The following ALG9 variants were observed in gnomAD, a reference collection of about 807,000 sequenced individuals.
The protein encoded by ALG9 is ALG9 alpha-1,2-mannosyltransferase.
Under a neutral mutation model 81.8 loss-of-function variants are expected in ALG9, and 55 were observed. The observed-to-expected ratio is 0.67, with a 90% confidence interval of 0.54 to 0.84. ALG9 has a LOEUF of 0.84. Among genes scored for constraint, ALG9 ranks in the 40% least tolerant of loss-of-function variants. The pLI is 0.00. For synonymous variants in ALG9, 278 were observed against 274.3 expected (o/e 1.01, Z -0.13); for missense variants, 629 against 745.0 (o/e 0.84, Z 1.81).
chr11:111,807,948 G>A (rs1378377323), intron 14 of ALG9, among the ~76,000 whole-genome samples: 1 of 152,084 alleles, frequency 6.6e-6, no homozygotes, highest in Non-Finnish European at 1.5e-5. Flanking sequence ...AGCTGGGAGT[G>A]GTGGCAGGTG....
intron 14 of ALG9, among the ~76,000 whole-genome samples, chr11:111,799,413 T>C (rs1000753192): frequency 4.0e-5 from 6 of 151,794 alleles, no homozygotes; most frequent in Admixed American, 3.9e-4. Context: ...AGTCCTGGGA[T>C]TACAGGCATG....
At chr11:111,794,018 C>A (rs997305685) in intron 14 of ALG9, among the ~76,000 whole-genome samples, 1 of 152,248 alleles carries the variant, frequency 6.6e-6, no homozygotes, top group African/African-American at 2.4e-5. Flanking sequence ...GTGAGAAAGT[C>A]ACTCAAGTGA....
chr11:111,822,730 C>T (rs548765826), intron 13 of ALG9, among the ~76,000 whole-genome samples: 243 of 149,770 alleles, frequency 1.6e-3, no homozygotes, highest in African/African-American at 5.7e-3. Context: ...AATAAACAAA[C>T]AAAAAAAACA....
intron 13 of ALG9, among the ~76,000 whole-genome samples, chr11:111,828,417 G>A (rs574177038): frequency 5.9e-5 from 9 of 152,270 alleles, no homozygotes; most frequent in Admixed American, 4.6e-4. Flanking sequence ...GTTTAATAAC[G>A]TACTTGCCTT....
chr11:111,782,827 T>A lies in ALG9; in HGVS notation c.*3570A>T, dbSNP rs1256916431. The A allele has an allele frequency of 3.3e-5, 5 of 152,254 alleles. No individual in the cohort carries two copies. In the East Asian group the frequency reaches 9.6e-4, roughly 29 times the overall value. The allele number at this position is 152,254 out of a possible 1,614,324, so 9.4% of individuals were successfully genotyped here. On this transcript the variant is annotated 3_prime_UTR_variant, in exon 15 of 15. Transcript: ENST00000616540. ...TCCTAGAACTCCAAAGTTGGAAAAA[T>A]GACCCAGATAAATGATTGGGATAAA...
At chr11:111,805,930 C>T (rs1949862817) in intron 14 of ALG9, among the ~76,000 whole-genome samples, 1 of 152,146 alleles carries the variant, frequency 6.6e-6, no homozygotes, top group African/African-American at 2.4e-5. Flanking sequence ...GATCTTGGCT[C>T]ACTGCGACTT....
chr11:111,774,503 T>A, the ALG9 span, among the ~76,000 whole-genome samples: 1 of 152,190 alleles, frequency 6.6e-6, no homozygotes, highest in African/African-American at 2.4e-5. Context: ...GAAGGACACA[T>A]GTGATGAATA....
intron 14 of ALG9, among the ~76,000 whole-genome samples, 191 bp from the exon 15 acceptor site, chr11:111,786,711 A>C (rs569467847): frequency 1.3e-5 from 2 of 152,272 alleles, no homozygotes; most frequent in South Asian, 4.1e-4. Context: ...CTTGTCACCT[A>C]AACGAAAATT....
chr11:111,820,670 A>G (rs1555102500), intron 13 of ALG9, among the ~76,000 whole-genome samples: 2 of 152,224 alleles, frequency 1.3e-5, no homozygotes, highest in Non-Finnish European at 2.9e-5. Flanking sequence ...CTCAATTCAC[A>G]GACAAGATGT....
intron 14 of ALG9, among the ~76,000 whole-genome samples, chr11:111,802,475 G>C (rs1949277683): frequency 1.3e-5 from 2 of 152,126 alleles, no homozygotes; most frequent in Non-Finnish European, 2.9e-5. Context: ...TCCAGAAAAG[G>C]CAATCTATAG....
At chr11:111,799,377 A>G (rs1948765847) in intron 14 of ALG9, among the ~76,000 whole-genome samples, 1 of 151,086 alleles carries the variant, frequency 6.6e-6, no homozygotes, top group African/African-American at 2.4e-5. Flanking sequence ...CTCTTCACCT[A>G]TGATCCGCTC....
chr11:111,870,991 G>A lies in ALG9; in HGVS notation c.131+361C>T, dbSNP rs567934481. ...GGTGATGGCGGGTTGGATGGGCCCA[G>A]TAAAGGGTCGGGACTTGAGGGAGAA... is the stretch of plus-strand genomic sequence containing the variant. On this transcript the variant is annotated intron_variant, in intron 1 of 14. Coordinates refer to ENST00000616540, the MANE Select transcript of ALG9 (RefSeq NM_024740.2). 1.0e-4 allele frequency: 108 copies of A among 1,028,866 alleles called. 1 individual carries two copies. The South Asian group carries it at 4.3e-3, about 41-fold the overall frequency. 63.7% of individuals were successfully genotyped at this position (1,028,866 alleles called of 1,614,324 possible).
chr11:111,871,570 G>A lies in ALG9; in HGVS notation c.-88C>T. 6.5e-7 allele frequency: 1 copy of A among 1,531,978 alleles called. No homozygotes were observed. The highest frequency in any genetic ancestry group is 8.7e-7 in the Non-Finnish European group (1 of 1,144,628). The allele number at this position is 1,531,978 out of a possible 1,614,324, so 94.9% of individuals were successfully genotyped here. ...TTGGCTGGCAAACGGTGTCCGCCGA[G>A]GGACAAAAGACCTTGACATGCGCAG... On this transcript the variant is annotated 5_prime_UTR_variant, in exon 1 of 15. Coordinates refer to ENST00000616540, the MANE Select transcript of ALG9 (RefSeq NM_024740.2).
At chr11:111,859,593 AAAT>A (rs1156746993) in intron 5 of ALG9, among the ~76,000 whole-genome samples, 3 of 152,136 alleles carry the variant, frequency 2.0e-5, no homozygotes, top group African/African-American at 7.2e-5. Flanking sequence ...AATAAATGTC[AAAT>A]AATAATGATG....
At chr11:111,791,071 A>C (rs1365217416) in intron 14 of ALG9, among the ~76,000 whole-genome samples, 1 of 152,270 alleles carries the variant, frequency 6.6e-6, no homozygotes, top group Non-Finnish European at 1.5e-5. Flanking sequence ...TTTATTACTT[A>C]CAATAATGTT....
intron 14 of ALG9, chr11:111,805,180 A>G (rs945200061): frequency 5.2e-5 from 23 of 444,918 alleles, no homozygotes; most frequent in Admixed American, 1.5e-4. Context: ...ATGTCCTTAT[A>G]AGAAGAGGCT....
Position 111,786,179 on chromosome 11 carries a change from G to A in ALG9, c.*218C>T. On this transcript the variant is annotated 3_prime_UTR_variant, in exon 15 of 15. Coordinates refer to ENST00000616540, the MANE Select transcript of ALG9 (RefSeq NM_024740.2). Reference sequence around the variant, plus strand: ...CTTTAGGGCCTTTCTCTGCCTAGCTGCAAAAAGTTTACATGCAGAACAGAG... The same window carrying A: ...CTTTAGGGCCTTTCTCTGCCTAGCTACAAAAAGTTTACATGCAGAACAGAG... The A allele has an allele frequency of 3.0e-6, 2 of 674,380 alleles. No individual in the cohort carries two copies. The highest frequency in any genetic ancestry group is 2.7e-6 in the Non-Finnish European group (1 of 376,538). 41.8% of individuals were successfully genotyped at this position (674,380 alleles called of 1,614,324 possible).
intron 9 of ALG9, among the ~76,000 whole-genome samples, chr11:111,843,980 A>G (rs976659763): frequency 1.2e-4 from 18 of 152,302 alleles, no homozygotes; most frequent in Middle Eastern, 3.4e-3. Flanking sequence ...TTTAAAAGAT[A>G]GAAAACTCAA....
chr11:111,779,785 G>C (rs1294710819), downstream of ALG9, among the ~76,000 whole-genome samples: 1 of 152,028 alleles, frequency 6.6e-6, no homozygotes, highest in Non-Finnish European at 1.5e-5. Context: ...GGAAAAAAAA[G>C]CTCATACTCA....
Sources: gnomAD v4.1 joint callset for allele counts (sites outside exome capture counted in the v4.1 genomes callset) on GRCh38, gnomAD v4.1.1 for gene constraint, MANE v1.5 for transcripts, NCBI Gene and HGNC (gene_info 2026-07-23, HGNC 2026-07-21) for gene names.